Variants in ATF7IP2 observed in about 807,000 individuals in gnomAD.
ATF7IP2 encodes activating transcription factor 7 interacting protein 2, also known as activating transcription factor 7-interacting protein 2.
Under a neutral mutation model 64.2 loss-of-function variants are expected in ATF7IP2, and 42 were observed. The observed-to-expected ratio is 0.65, with a 90% CI of 0.51 to 0.85. ATF7IP2 has a LOEUF of 0.85. Among genes scored for constraint, ATF7IP2 ranks in the 40% least tolerant of loss-of-function variants. The pLI, the probability that ATF7IP2 is intolerant of heterozygous loss-of-function variation, is 0.00. For missense variants in ATF7IP2, 933 were observed against 784.2 expected, an observed-to-expected ratio of 1.19 and a Z score of -2.27; for synonymous variants, 308 against 272.8, an observed-to-expected ratio of 1.13 and a Z score of -1.27.
chr16:10,411,084 A>G (rs2047749593), intron 1 of ATF7IP2, among the ~76,000 whole-genome samples: 1 of 152,166 alleles, frequency 6.6e-6, no homozygotes, highest in Non-Finnish European at 1.5e-5. Context: ...ATGGTGGGTT[A>G]TCTTTTTGAT....
intron 8 of ATF7IP2, among the ~76,000 whole-genome samples, chr16:10,453,674 G>T (rs1300388660): frequency 6.6e-6 from 1 of 152,166 alleles, no homozygotes; most frequent in East Asian, 1.9e-4. Flanking sequence ...CTGGAGTGCA[G>T]TGGCACAATC....
chr16:10,475,679 C>T (rs9935775), intron 12 of ATF7IP2, among the ~76,000 whole-genome samples: 4,851 of 115,390 alleles, frequency 0.042, 341 homozygotes, highest in African/African-American at 0.17. Context: ...GGCAACAGAG[C>T]GAAACTCCGT....
intron 1 of ATF7IP2, among the ~76,000 whole-genome samples, chr16:10,400,842 C>A (rs1249262635): frequency 6.6e-6 from 1 of 151,866 alleles, no homozygotes; most frequent in Non-Finnish European, 1.5e-5. Context: ...CCACCATGCC[C>A]AACTAAATTT....
intron 3 of ATF7IP2, among the ~76,000 whole-genome samples, chr16:10,425,217 C>T (rs1005232782): frequency 6.7e-6 from 1 of 149,242 alleles, no homozygotes; most frequent in Admixed American, 6.8e-5. Context: ...TACCACCATG[C>T]CTGGCTAGTT....
intron 3 of ATF7IP2, among the ~76,000 whole-genome samples, chr16:10,425,080 C>T (rs900595252): frequency 7.9e-6 from 1 of 126,184 alleles, no homozygotes; most frequent in African/African-American, 3.0e-5. Context: ...TTTTTTGAGA[C>T]AGAGTTTCAC....
At chr16:10,388,230 T>C (rs2047243714) in intron 1 of ATF7IP2, among the ~76,000 whole-genome samples, 1 of 152,168 alleles carries the variant, frequency 6.6e-6, no homozygotes, top group South Asian at 2.1e-4. Context: ...TTATTCTGCT[T>C]TACAGTAGAC....
At chr16:10,470,803 A>G (rs1006792572) in intron 9 of ATF7IP2, among the ~76,000 whole-genome samples, 14 of 143,990 alleles carry the variant, frequency 9.7e-5, no homozygotes, top group East Asian at 4.0e-4. Context: ...ATATATATGT[A>G]TATATATATA....
At chr16:10,439,578 G>A (rs904308576) in intron 7 of ATF7IP2, among the ~76,000 whole-genome samples, 1 of 139,178 alleles carries the variant, frequency 7.2e-6, no homozygotes, top group African/African-American at 2.7e-5. Flanking sequence ...TGTCGCCTAG[G>A]CTGGAGTGCA....
intron 8 of ATF7IP2, among the ~76,000 whole-genome samples, chr16:10,442,479 C>T (rs566015268): frequency 1.3e-5 from 2 of 152,274 alleles, no homozygotes; most frequent in South Asian, 4.1e-4. Context: ...AGGTATGATA[C>T]AGCAGCCAGT....
chr16:10,464,338 G>C (rs2049481424), intron 9 of ATF7IP2, among the ~76,000 whole-genome samples: 1 of 152,152 alleles, frequency 6.6e-6, no homozygotes, highest in South Asian at 2.1e-4. Context: ...CCTGGCTCTA[G>C]AGAAAACCAG....
At chr16:10,436,473 T>G (rs1321574100) in intron 6 of ATF7IP2, among the ~76,000 whole-genome samples, 2 of 152,036 alleles carry the variant, frequency 1.3e-5, no homozygotes, top group African/African-American at 4.8e-5. Context: ...GACAATCATG[T>G]CTAATGTAGA....
chr16:10,452,223 C>CT (rs1481420993), intron 8 of ATF7IP2, among the ~76,000 whole-genome samples: 1 of 152,174 alleles, frequency 6.6e-6, no homozygotes, highest in Non-Finnish European at 1.5e-5. Context: ...AATTTTCAGC[C>CT]TTTTTGGGCT....
At chr16:10,416,926 AAC>A (rs968116629) in intron 2 of ATF7IP2, among the ~76,000 whole-genome samples, 19 of 152,374 alleles carry the variant, frequency 1.2e-4, no homozygotes, top group African/African-American at 4.6e-4. Flanking sequence ...GATTGTTTGT[AAC>A]ACAAAGGATA....
intron 1 of ATF7IP2, among the ~76,000 whole-genome samples, chr16:10,407,812 T>G (rs1317863989): frequency 1.3e-5 from 2 of 152,170 alleles, no homozygotes; most frequent in African/African-American, 2.4e-5. Context: ...GTCCCCATAG[T>G]TCATTGTATC....
At chr16:10,453,289 G>C (rs940886910) in intron 8 of ATF7IP2, among the ~76,000 whole-genome samples, 4 of 152,190 alleles carry the variant, frequency 2.6e-5, no homozygotes, top group Non-Finnish European at 1.5e-5. Context: ...CTGGGCTGGA[G>C]TGTACCGTTC....
rs2048482355 is a variant in ATF7IP2, at chr16:10,438,090, T to G, written c.961-11T>G. ...ACGTAGGGTGTTTTGGTTTTTATTT[T>G]AAAATTCTAGGTCAGACATTTGATT... On this transcript the variant is annotated splice_polypyrimidine_tract_variant and intron_variant, in intron 6 of 13. Transcript: ENST00000562102. The G allele has an allele frequency of 2.6e-6, 4 of 1,524,686 alleles. No individual in the cohort carries two copies. Among genetic ancestry groups the G allele is most frequent in the Non-Finnish European group, 8.8e-7 (1 of 1,141,744 alleles). 94.4% of individuals were successfully genotyped at this position (1,524,686 alleles called of 1,614,324 possible).
chr16:10,394,823 T>A (rs2047392591), intron 1 of ATF7IP2, among the ~76,000 whole-genome samples: 2 of 152,076 alleles, frequency 1.3e-5, no homozygotes, highest in African/African-American at 4.8e-5. Flanking sequence ...AAGACAAACA[T>A]ATCAAAGGTT....
At chr16:10,442,008 G>C (rs1395958364) in intron 8 of ATF7IP2, among the ~76,000 whole-genome samples, 1 of 152,248 alleles carries the variant, frequency 6.6e-6, no homozygotes, top group Non-Finnish European at 1.5e-5. Context: ...TCCTAATGCT[G>C]TTCCTGTTTC....
chr16:10,445,037 G>A lies in ATF7IP2; in HGVS notation c.1194+4575G>A, dbSNP rs183670942. Among the ~76,000 whole-genome samples, 558 of 152,230 alleles carry A rather than the reference G, an allele frequency of 3.7e-3. 7 individuals carry two copies. The highest frequency in any genetic ancestry group is 0.013 in the African/African-American group (523 of 41,558). On this transcript the variant is annotated intron_variant, in intron 8 of 13. Coordinates refer to ENST00000562102, the MANE Select transcript of ATF7IP2 (RefSeq NM_001393719.1). Reference sequence around the variant, plus strand: ...TGGTCTTAGTCCTGGACGTCTTCCCGCAAGTGGTGATTTTTTTAGAGTTTG... The same window carrying A: ...TGGTCTTAGTCCTGGACGTCTTCCCACAAGTGGTGATTTTTTTAGAGTTTG...
Sources: allele counts gnomAD v4.1 joint callset (sites outside exome capture counted in the v4.1 genomes callset), GRCh38; gene constraint gnomAD v4.1.1; transcripts MANE v1.5; gene names NCBI Gene and HGNC (gene_info 2026-07-23, HGNC 2026-07-21).